The following TTLL7 variants were observed in gnomAD, a reference collection of about 807,000 sequenced individuals.
TTLL7 encodes tubulin polyglutamylase TTLL7.
Under a neutral mutation model 120.2 loss-of-function variants are expected in TTLL7, and 53 were observed. That is an observed-to-expected ratio of 0.44 (90% CI 0.35 to 0.55). The LOEUF (loss-of-function observed/expected upper bound fraction) is 0.55, where lower values mean the gene tolerates loss of function less well. Among genes scored for constraint, TTLL7 ranks in the 20% least tolerant of loss-of-function variants. The probability of loss-of-function intolerance (pLI) is 0.00; values close to 1 mark genes in which losing one functional copy is unlikely to be tolerated. For synonymous variants in TTLL7, 353 were observed against 351.7 expected, an observed-to-expected ratio of 1.00 and a Z score of -0.04; for missense variants, 803 against 1,054.7, an observed-to-expected ratio of 0.76 and a Z score of 3.31.
At chr1:83,964,209 T>C (rs1650252457) in intron 1 of TTLL7, among the ~76,000 whole-genome samples, 1 of 152,100 alleles carries the variant, frequency 6.6e-6, no homozygotes, top group South Asian at 2.1e-4. Context: ...CTCCAAATCT[T>C]TGAAAACAGT....
At position 83,951,950 on chromosome 1, in the gene TTLL7, A is replaced by T; in HGVS notation, c.52T>A (p.Leu18Met). 1.2e-6 allele frequency: 2 copies of T among 1,609,704 alleles called. No individual in the cohort carries two copies. Among genetic ancestry groups the T allele is most frequent in the Non-Finnish European group, 1.7e-6 (2 of 1,178,912 alleles). Residue 18 changes from leucine to methionine, a missense_variant, in exon 3 of 21, where the codon TTG (leucine) becomes ATG (methionine). Leu to Met is a conservative substitution (Grantham distance 15). Around this residue, in one of 3 missense-constraint regions of TTLL7, gnomAD observed 91 missense variants for 96.6 expected, o/e 0.94. Coordinates refer to ENST00000260505, the MANE Select transcript of TTLL7 (RefSeq NM_024686.6). ...GVIQGPSPLD[L>M]NTELPYQSTM... ...CTTTGATAAGGTAATTCTGTATTCA[A>T]ATCCAGGGGAGAGGGTCCCTGAATA... is the stretch of plus-strand genomic sequence containing the variant.
At chr1:83,905,186 T>G (rs1269806980) in intron 17 of TTLL7, among the ~76,000 whole-genome samples, 3 of 151,970 alleles carry the variant, frequency 2.0e-5, no homozygotes, top group Non-Finnish European at 4.4e-5. Flanking sequence ...AGTATAATAC[T>G]TAACATCCAA....
chr1:83,917,551 A>G, intron 14 of TTLL7, 53 bp downstream of exon 14: 1 of 1,288,310 alleles, frequency 7.8e-7, no homozygotes, highest in Non-Finnish European at 1.1e-6. Flanking sequence ...GAGAAGTATC[A>G]AGGGCTAGTA....
At chr1:83,918,071 T>A (rs1024725370) in intron 13 of TTLL7, among the ~76,000 whole-genome samples, 1 of 152,178 alleles carries the variant, frequency 6.6e-6, no homozygotes, top group Admixed American at 6.6e-5. Context: ...TACAGATTAG[T>A]GCAAAATGAT....
intron 20 of TTLL7, among the ~76,000 whole-genome samples, chr1:83,881,024 A>G (rs1179247321): frequency 6.6e-6 from 1 of 152,038 alleles, no homozygotes. Flanking sequence ...GTGCTGGGAA[A>G]ACTGGCTAGC....
intron 20 of TTLL7, among the ~76,000 whole-genome samples, chr1:83,872,811 C>T (rs1019601396): frequency 6.6e-6 from 1 of 152,172 alleles, no homozygotes; most frequent in Non-Finnish European, 1.5e-5. Context: ...GATATCAACT[C>T]ATTTAGTTCT....
At chr1:83,913,797 C>T (rs1425006752) in intron 14 of TTLL7, among the ~76,000 whole-genome samples, 5 of 132,858 alleles carry the variant, frequency 3.8e-5, no homozygotes, top group Admixed American at 2.4e-4. Context: ...AATTCTTCTT[C>T]CTCCCAAGAG....
At chr1:83,911,116 A>G (rs1571155570) in intron 15 of TTLL7, 49 bp downstream of exon 15, 9 of 1,479,250 alleles carry the variant, frequency 6.1e-6, no homozygotes, top group Non-Finnish European at 8.4e-6. Context: ...TAATAATTTC[A>G]GTTCCATAAT....
At chr1:83,892,137 C>T (rs1026986617) in intron 18 of TTLL7, among the ~76,000 whole-genome samples, 1 of 150,906 alleles carries the variant, frequency 6.6e-6, no homozygotes, top group African/African-American at 2.4e-5. Flanking sequence ...CCATGATACG[C>T]TTGTAATAGA....
chr1:83,940,352 T>C (rs1647837300), intron 7 of TTLL7, among the ~76,000 whole-genome samples: 1 of 152,238 alleles, frequency 6.6e-6, no homozygotes, highest in Non-Finnish European at 1.5e-5. Context: ...TTATAATCTA[T>C]GTATTGACAA....
In TTLL7 at chr1:83,869,902, C is replaced by G; in HGVS notation, c.*60G>C. ...ATGGTCATGTTCTTTGCATGTTCAA[C>G]TTCAGAGGAAAAAAATGAATTGCTG... On this transcript the variant is annotated 3_prime_UTR_variant, in exon 21 of 21. Coordinates refer to ENST00000260505, the MANE Select transcript of TTLL7 (RefSeq NM_024686.6). 6.3e-7 allele frequency: 1 copy of G among 1,578,464 alleles called. No homozygotes were observed. Among genetic ancestry groups the G allele is most frequent in the South Asian group, 1.2e-5 (1 of 82,808 alleles).
chr1:83,914,259 C>T (rs75768367), intron 14 of TTLL7, among the ~76,000 whole-genome samples: 6,217 of 149,518 alleles, frequency 0.042, 154 homozygotes, highest in Middle Eastern at 0.1. Flanking sequence ...TATACAGTAT[C>T]ATAACTCCAT....
In TTLL7 at chr1:83,964,458, AAC is replaced by A. The variant is rs540348497; in HGVS notation, c.-176-12073_-176-12072del. ...CTCTACCTTCCCTTCTCACAGAGTA[AAC>A]ACTGTAGAAATGTATCACCAATCTG... On this transcript the variant is annotated intron_variant, in intron 1 of 20. Coordinates refer to ENST00000260505, the MANE Select transcript of TTLL7 (RefSeq NM_024686.6). 2.6e-3 allele frequency among the ~76,000 whole-genome samples: 389 copies of A among 152,204 alleles called. 1 individual carries two copies. Among genetic ancestry groups the A allele is most frequent in the African/African-American group, 9.0e-3 (374 of 41,552 alleles).
At chr1:83,885,817 G>C (rs1354018551) in intron 19 of TTLL7, among the ~76,000 whole-genome samples, 1 of 151,962 alleles carries the variant, frequency 6.6e-6, no homozygotes, top group Non-Finnish European at 1.5e-5. Context: ...TTCAACACTA[G>C]CAACACAAAG....
intron 1 of TTLL7, among the ~76,000 whole-genome samples, chr1:83,958,340 G>A (rs11163873): frequency 0.024 from 3,680 of 152,062 alleles, 74 homozygotes; most frequent in African/African-American, 0.053. Flanking sequence ...TGTAATTATC[G>A]GATGAAAGAC....
chr1:83,950,954 A>G (rs973013921), intron 3 of TTLL7, among the ~76,000 whole-genome samples: 1 of 152,154 alleles, frequency 6.6e-6, no homozygotes, highest in African/African-American at 2.4e-5. Context: ...GCATGTCAGG[A>G]GCACAACTGT....
At position 83,869,817 on chromosome 1, in the gene TTLL7, G is replaced by T; in HGVS notation, c.*145C>A. ...AATATAATAAATATATGTTATTAGG[G>T]TGCATATGTGCATATATTTTCACAC... On this transcript the variant is annotated 3_prime_UTR_variant, in exon 21 of 21. Coordinates refer to ENST00000260505, the MANE Select transcript of TTLL7 (RefSeq NM_024686.6). 1.6e-6 allele frequency: 1 copy of T among 621,586 alleles called. No homozygotes were observed. The allele number at this position is 621,586 out of a possible 1,614,324, so 38.5% of individuals were successfully genotyped here.
chr1:83,866,223 A>C lies in TTLL7; in HGVS notation c.*3739T>G, dbSNP rs1652905444. 6.6e-6 allele frequency: 1 copy of C among 151,884 alleles called. No homozygotes were observed. The highest frequency in any genetic ancestry group is 2.4e-5 in the African/African-American group (1 of 41,438). 9.4% of individuals were successfully genotyped at this position (151,884 alleles called of 1,614,324 possible). ...TTAAGAATGAATCAATGTTTTTTAG[A>C]AAATCAAATAATGGCATTTCTGCAG... On this transcript the variant is annotated 3_prime_UTR_variant, in exon 21 of 21. Coordinates refer to ENST00000260505, the MANE Select transcript of TTLL7 (RefSeq NM_024686.6).
At chr1:83,907,874 T>C (rs1262595606) in intron 15 of TTLL7, among the ~76,000 whole-genome samples, 3 of 152,082 alleles carry the variant, frequency 2.0e-5, no homozygotes, top group African/African-American at 4.8e-5. Flanking sequence ...GTATAAAAAA[T>C]GGCCCTTGTG....
Sources: gnomAD v4.1 joint callset for allele counts (sites outside exome capture counted in the v4.1 genomes callset) on GRCh38, gnomAD v4.1.1 for gene constraint, gnomAD v4.1.1 regional missense constraint, MANE v1.5 for transcripts, NCBI Gene and HGNC (gene_info 2026-07-23, HGNC 2026-07-21) for gene names.